Variants in NXPE4 observed in about 807,000 individuals in gnomAD.
NXPE4 encodes the protein NXPE family member 4.
Under a neutral mutation model 33.3 loss-of-function variants are expected in NXPE4, and 42 were observed. The ratio of observed to expected loss-of-function variants is 1.26; its 90% CI spans 0.98 to 1.63. The LOEUF (loss-of-function observed/expected upper bound fraction) is 1.63. Among genes scored for constraint, NXPE4 ranks in the 40% most tolerant of loss-of-function variants. The pLI is 0.00. For synonymous variants in NXPE4, 253 were observed against 234.9 expected (o/e 1.08, Z -0.71); for missense variants, 709 against 647.6 (o/e 1.09, Z -1.03).
At chr11:114,633,528 A>G in the NXPE4 span, among the ~76,000 whole-genome samples, 1 of 151,434 alleles carries the variant, frequency 6.6e-6, no homozygotes, top group South Asian at 2.1e-4. Context: ...TTAGTTATCC[A>G]TATATACATG....
the NXPE4 span, among the ~76,000 whole-genome samples, chr11:114,672,014 A>G: frequency 6.6e-6 from 1 of 152,030 alleles, no homozygotes; most frequent in Non-Finnish European, 1.5e-5. Context: ...GTGAAGGCAA[A>G]AGGGAAGCAA....
the NXPE4 span, among the ~76,000 whole-genome samples, chr11:114,653,059 A>G: frequency 2.6e-5 from 4 of 152,318 alleles, no homozygotes; most frequent in African/African-American, 9.6e-5. Flanking sequence ...TATTCCATTG[A>G]GCCTTGTGCC....
chr11:114,635,137 C>A, the NXPE4 span, among the ~76,000 whole-genome samples: 757 of 150,968 alleles, frequency 5.0e-3, 5 homozygotes, highest in African/African-American at 0.016. Flanking sequence ...TCTTTTATTT[C>A]CTTGAGCAGT....
the NXPE4 span, among the ~76,000 whole-genome samples, chr11:114,638,855 G>T: frequency 6.6e-6 from 1 of 151,978 alleles, no homozygotes; most frequent in Non-Finnish European, 1.5e-5. Flanking sequence ...CCAGCCGTGT[G>T]AGGTGTCAGT....
chr11:114,665,028 A>G, the NXPE4 span, among the ~76,000 whole-genome samples: 1 of 152,194 alleles, frequency 6.6e-6, no homozygotes, highest in Non-Finnish European at 1.5e-5. Context: ...TTAATGGAAC[A>G]TAACCCCATG....
chr11:114,624,402 A>G, the NXPE4 span, among the ~76,000 whole-genome samples: 150,096 of 152,186 alleles, frequency 0.99, 74,030 homozygotes, highest in Middle Eastern at 1. Flanking sequence ...GTATTGCCTC[A>G]TTGGTAACCA....
chr11:114,616,723 A>C, the NXPE4 span, among the ~76,000 whole-genome samples: 1 of 151,710 alleles, frequency 6.6e-6, no homozygotes, highest in African/African-American at 2.4e-5. Flanking sequence ...GTGTATAATA[A>C]GTGTTGCCTC....
the NXPE4 span, among the ~76,000 whole-genome samples, chr11:114,668,146 T>C: frequency 1.2e-4 from 18 of 150,080 alleles, no homozygotes; most frequent in Admixed American, 7.3e-4. Context: ...AGCTATTGGC[T>C]CTCAACTCCA....
the NXPE4 span, among the ~76,000 whole-genome samples, chr11:114,617,056 A>G: frequency 1.3e-5 from 2 of 152,004 alleles, no homozygotes; most frequent in African/African-American, 4.8e-5. Context: ...CCAGTGTAGT[A>G]AGTATTGCCT....
chr11:114,627,697 A>G, the NXPE4 span, among the ~76,000 whole-genome samples: 1 of 152,086 alleles, frequency 6.6e-6, no homozygotes, highest in African/African-American at 2.4e-5. Context: ...AATGGACTAA[A>G]TGCTCCAATT....
At chr11:114,599,650 C>A (rs1201556918), upstream of NXPE4, among the ~76,000 whole-genome samples, 1 of 152,124 alleles carries the variant, frequency 6.6e-6, no homozygotes, top group Non-Finnish European at 1.5e-5. Flanking sequence ...TTACTCATGG[C>A]AGAAGGCAAA....
At chr11:114,611,317 CCAG>C in the NXPE4 span, among the ~76,000 whole-genome samples, 276 of 151,074 alleles carry the variant, frequency 1.8e-3, 1 homozygote, top group Middle Eastern at 3.6e-3. Context: ...TCACTGTTAC[CCAG>C]TGGATAATAA....
chr11:114,632,343 A>G, the NXPE4 span, among the ~76,000 whole-genome samples: 9 of 135,262 alleles, frequency 6.7e-5, 1 homozygote, highest in South Asian at 1.9e-3. Context: ...ATAATAGAAT[A>G]TATAATATAT....
At chr11:114,602,106 A>G in the NXPE4 span, among the ~76,000 whole-genome samples, 144 of 97,296 alleles carry the variant, frequency 1.5e-3, no homozygotes, top group South Asian at 2.2e-3. Flanking sequence ...ATATATTATA[A>G]TATATATAAT....
chr11:114,581,730 C>T lies in NXPE4; in HGVS notation c.887G>A (p.Cys296Tyr). Residue 296 changes from cysteine (C) to tyrosine (Y), a missense_variant, in exon 4 of 6, where the codon TGC (cysteine) becomes TAC (tyrosine). By Grantham distance (194) the Cys-to-Tyr change is radical (BLOSUM62 -2). Coordinates refer to ENST00000375478, the MANE Select transcript of NXPE4 (RefSeq NM_001077639.2). Reference protein sequence around the residue: ...EKFNTISVSKCNKETVAMKEK... With the variant: ...EKFNTISVSKYNKETVAMKEK... ...CCAAACACAGGAGTACTTACTGTTG[C>T]ATTTGGAGACACTAATTGTATTGAA... 1 of 1,611,096 alleles carries T rather than the reference C, an allele frequency of 6.2e-7. No individual in the cohort carries two copies. The highest frequency in any genetic ancestry group is 8.5e-7 in the Non-Finnish European group (1 of 1,177,858).
chr11:114,603,196 G>A, the NXPE4 span, among the ~76,000 whole-genome samples: 2 of 151,662 alleles, frequency 1.3e-5, no homozygotes, highest in African/African-American at 4.8e-5. Context: ...GTATTGCCTC[G>A]TCTCCTAGGT....
intron 5 of NXPE4, among the ~76,000 whole-genome samples, chr11:114,576,800 A>G (rs1398870456): frequency 1.3e-5 from 2 of 151,668 alleles, no homozygotes; most frequent in African/African-American, 4.8e-5. Flanking sequence ...AGAACTAAAA[A>G]CAGATCTACC....
the NXPE4 span, among the ~76,000 whole-genome samples, chr11:114,651,872 G>GCCCA: frequency 6.6e-6 from 1 of 152,074 alleles, no homozygotes; most frequent in Non-Finnish European, 1.5e-5. Context: ...CGACCCAGAA[G>GCCCA]CCCAGCTGGC....
chr11:114,636,229 A>T, the NXPE4 span, among the ~76,000 whole-genome samples: 1 of 151,946 alleles, frequency 6.6e-6, no homozygotes, highest in East Asian at 1.9e-4. Flanking sequence ...CATTTTTTCT[A>T]GATTCTCTAG....
Sources: gnomAD v4.1 joint callset for allele counts (sites outside exome capture counted in the v4.1 genomes callset) on GRCh38, gnomAD v4.1.1 for gene constraint, MANE v1.5 for transcripts, NCBI Gene and HGNC (gene_info 2026-07-23, HGNC 2026-07-21) for gene names.